The following SSH2 variants were observed in gnomAD, a reference collection of about 807,000 sequenced individuals.
SSH2 encodes slingshot protein phosphatase 2.
SSH2 carries 37 observed loss-of-function variants against 135.2 expected under a neutral mutation model. The observed-to-expected ratio is 0.27, with a 90% CI of 0.21 to 0.36. The LOEUF is 0.36. SSH2 is among the 10% of genes least tolerant of loss of function. The pLI, the probability that SSH2 is intolerant of heterozygous loss-of-function variation, is 1.00. For synonymous variants in SSH2, 628 were observed against 646.2 expected (o/e 0.97, Z 0.43); for missense variants, 1,408 against 1,765.3 (o/e 0.80, Z 3.63).
rs1456554000 is a variant in SSH2 at position 29,929,819 on chromosome 17, G to C, written c.63+119C>G. ...GGGTGTGGGGGGGTTCGCGGCAGCC[G>C]AGTGCCAAGGCCTGGGAAGCGGCGC... On this transcript the variant is annotated intron_variant, in intron 1 of 15. Transcript: ENST00000540801. 4 of 909,070 alleles carry C rather than the reference G, an allele frequency of 4.4e-6. No individual in the cohort carries two copies. The South Asian group carries it at 4.6e-5, about 10-fold the overall frequency. The allele number at this position is 909,070 out of a possible 1,614,324, so 56.3% of individuals were successfully genotyped here. A position where few individuals can be genotyped will look rare whatever the true frequency, so the allele number is the denominator to read the frequency against.
At chr17:29,634,619 C>A (rs2035819332) in intron 15 of SSH2, among the ~76,000 whole-genome samples, 1 of 152,212 alleles carries the variant, frequency 6.6e-6, no homozygotes, top group Non-Finnish European at 1.5e-5. Context: ...GTGGCATGAT[C>A]TCAGCTCACT....
chr17:29,828,250 G>T (rs186035594), intron 2 of SSH2, among the ~76,000 whole-genome samples: 8 of 152,078 alleles, frequency 5.3e-5, no homozygotes, highest in Non-Finnish European at 2.9e-5. Context: ...TTTTCCTTTC[G>T]TAGCACTTGG....
intron 1 of SSH2, among the ~76,000 whole-genome samples, chr17:29,870,399 T>C (rs1182247230): frequency 6.6e-6 from 1 of 152,078 alleles, no homozygotes; most frequent in East Asian, 1.9e-4. Flanking sequence ...AGAAAACTAT[T>C]AATATTGTTT....
chr17:29,777,434 G>A (rs1361542867), intron 3 of SSH2, among the ~76,000 whole-genome samples: 1 of 152,074 alleles, frequency 6.6e-6, no homozygotes, highest in Non-Finnish European at 1.5e-5. Context: ...AAGGACTCAT[G>A]CTTTACTTAT....
rs1173271700 is a variant in SSH2 at position 29,636,521 on chromosome 17, T to A, written c.1709A>T (p.Glu570Val). 1 of 1,614,208 alleles carries A rather than the reference T, an allele frequency of 6.2e-7. No individual in the cohort carries two copies. The highest frequency in any genetic ancestry group is 1.1e-5 in the South Asian group (1 of 91,076). Residue 570 changes from glutamate (E) to valine (V), a missense_variant, in exon 15 of 16, where the codon GAG becomes GTG. Physicochemically the swap from Glu to Val is moderately radical, Grantham distance 121. Around this residue, in one of 3 missense-constraint regions of SSH2, gnomAD observed 1,080 missense variants for 1,144.5 expected, o/e 0.94. Coordinates refer to ENST00000540801, the MANE Select transcript of SSH2 (RefSeq NM_001282129.2). ...TSREFHAGQI[E>V]DELNLNDING... is the part of the protein sequence containing the mutation. ...GATGTCATTTAAGTTTAATTCATCC[T>A]CAATCTGTCCAGCATGAAATTCCCT...
intron 1 of SSH2, among the ~76,000 whole-genome samples, chr17:29,927,053 GA>G (rs537232244): frequency 1.4e-3 from 216 of 152,280 alleles, no homozygotes; most frequent in African/African-American, 5.0e-3. Context: ...TTAAGATGGG[GA>G]TAAGAGCAAC....
intron 2 of SSH2, among the ~76,000 whole-genome samples, chr17:29,799,322 T>A (rs2042210935): frequency 6.6e-6 from 1 of 152,130 alleles, no homozygotes; most frequent in African/African-American, 2.4e-5. Context: ...GGTCATAGAG[T>A]AAATAAAGGT....
intron 5 of SSH2, among the ~76,000 whole-genome samples, chr17:29,688,365 T>C (rs1263094743): frequency 6.6e-6 from 1 of 152,174 alleles, no homozygotes; most frequent in African/African-American, 2.4e-5. Context: ...TGTTTGGCTC[T>C]CCCTTGCTTA....
At chr17:29,720,635 T>C (rs1168448340) in intron 3 of SSH2, among the ~76,000 whole-genome samples, 1 of 152,154 alleles carries the variant, frequency 6.6e-6, no homozygotes, top group African/African-American at 2.4e-5. Context: ...TACAGATCCC[T>C]TGGGCCATGC....
intron 1 of SSH2, among the ~76,000 whole-genome samples, chr17:29,915,978 CCT>C (rs1346893619): frequency 1.8e-5 from 2 of 112,864 alleles, no homozygotes; most frequent in African/African-American, 3.3e-5. Context: ...ATCCCTCCCC[CCT>C]CCCCCCACCC....
intron 3 of SSH2, among the ~76,000 whole-genome samples, chr17:29,769,013 G>A (rs772953479): frequency 5.3e-5 from 8 of 151,978 alleles, no homozygotes; most frequent in South Asian, 2.1e-4. Flanking sequence ...CCAGGAATTC[G>A]AGACCAGCCT....
chr17:29,807,638 G>A (rs185355475), intron 2 of SSH2, among the ~76,000 whole-genome samples: 1 of 152,254 alleles, frequency 6.6e-6, no homozygotes, highest in African/African-American at 2.4e-5. Context: ...GAAGAAAAGG[G>A]AAGAGCAGTA....
At chr17:29,818,574 C>G (rs1364338023) in intron 2 of SSH2, among the ~76,000 whole-genome samples, 1 of 152,034 alleles carries the variant, frequency 6.6e-6, no homozygotes, top group African/African-American at 2.4e-5. Flanking sequence ...AAATCTAGAT[C>G]TGCCCCCTCC....
At chr17:29,860,855 C>T (rs772076858) in intron 1 of SSH2, among the ~76,000 whole-genome samples, 1 of 151,912 alleles carries the variant, frequency 6.6e-6, no homozygotes, top group Non-Finnish European at 1.5e-5. Context: ...AAGCAATTCT[C>T]GTGCTTCAGC....
intron 13 of SSH2, among the ~76,000 whole-genome samples, chr17:29,648,914 G>A (rs143581269): frequency 0.033 from 5,086 of 152,306 alleles, 124 homozygotes; most frequent in African/African-American, 0.063. Flanking sequence ...GCTGAGGCAG[G>A]TGGATCACGA....
At chr17:29,695,201 A>C (rs1248823467) in intron 5 of SSH2, among the ~76,000 whole-genome samples, 1 of 152,120 alleles carries the variant, frequency 6.6e-6, no homozygotes, top group Non-Finnish European at 1.5e-5. Flanking sequence ...TGACTACATA[A>C]ATCTTCCTAA....
chr17:29,839,475 C>G (rs2043002474), intron 2 of SSH2, among the ~76,000 whole-genome samples: 1 of 152,166 alleles, frequency 6.6e-6, no homozygotes, highest in Non-Finnish European at 1.5e-5. Context: ...ACTCTTCCTT[C>G]CCTGTACTTC....
intron 3 of SSH2, among the ~76,000 whole-genome samples, chr17:29,766,466 AAATAAT>A (rs1024346936): frequency 3.3e-5 from 5 of 151,904 alleles, no homozygotes; most frequent in African/African-American, 4.8e-5. Context: ...TCAAAAAAAA[AAATAAT>A]AATAATAAAG....
intron 3 of SSH2, among the ~76,000 whole-genome samples, chr17:29,711,324 G>C (rs564609220): frequency 6.6e-6 from 1 of 152,166 alleles, no homozygotes; most frequent in South Asian, 2.1e-4. Context: ...CAATCTGGAC[G>C]AAACTTCCTG....
Sources: allele counts gnomAD v4.1 joint callset (sites outside exome capture counted in the v4.1 genomes callset), GRCh38; gene constraint gnomAD v4.1.1; regional missense constraint gnomAD v4.1.1; transcripts MANE v1.5; gene names NCBI Gene and HGNC (gene_info 2026-07-23, HGNC 2026-07-21).